CEP63: variants seen among roughly 807,000 people sequenced by gnomAD.
CEP63 encodes the protein centrosomal protein 63.
CEP63 carries 84 observed loss-of-function variants against 89.1 expected under a neutral mutation model. The observed-to-expected ratio is 0.94, with a 90% confidence interval of 0.79 to 1.13. The LOEUF (loss-of-function observed/expected upper bound fraction) is 1.13, where lower values mean the gene tolerates loss of function less well. Among genes scored for constraint, CEP63 ranks in the 50% most tolerant of loss-of-function variants. The pLI is 0.00. For synonymous variants in CEP63, 267 were observed against 272.5 expected, an observed-to-expected ratio of 0.98 and a Z score of 0.20; for missense variants, 838 against 813.3, an observed-to-expected ratio of 1.03 and a Z score of -0.37.
At chr3:134,594,644 T>C in the CEP63 span, among the ~76,000 whole-genome samples, 1 of 152,204 alleles carries the variant, frequency 6.6e-6, no homozygotes, top group Admixed American at 6.5e-5. Flanking sequence ...CTGCTGTGCA[T>C]ATGCTTTCCT....
the CEP63 span, among the ~76,000 whole-genome samples, chr3:134,655,353 C>T: frequency 1.3e-5 from 2 of 152,196 alleles, no homozygotes; most frequent in Non-Finnish European, 2.9e-5. Flanking sequence ...AGAATCCATT[C>T]CTTGAAGAAC....
At chr3:134,612,751 CTGTG>C in the CEP63 span, among the ~76,000 whole-genome samples, 1,456 of 125,450 alleles carry the variant, frequency 0.012, 12 homozygotes, top group Non-Finnish European at 0.014. Context: ...CACGCCGATG[CTGTG>C]TGTGTGTGTG....
At chr3:134,527,226 G>A (rs982590901) in intron 3 of CEP63, among the ~76,000 whole-genome samples, 7 of 152,174 alleles carry the variant, frequency 4.6e-5, no homozygotes, top group African/African-American at 1.7e-4. Flanking sequence ...GGAGGTGAGC[G>A]GGGACCCCTG....
At chr3:134,626,526 G>A in the CEP63 span, among the ~76,000 whole-genome samples, 1 of 152,134 alleles carries the variant, frequency 6.6e-6, no homozygotes, top group Non-Finnish European at 1.5e-5. Context: ...AGGGACATGT[G>A]GCCTCCCTGC....
chr3:134,756,509 A>G, the CEP63 span, among the ~76,000 whole-genome samples: 8 of 152,080 alleles, frequency 5.3e-5, no homozygotes, highest in Non-Finnish European at 1.0e-4. Context: ...GTGTGCCACC[A>G]CACCTGGATA....
chr3:134,729,738 G>A, the CEP63 span, among the ~76,000 whole-genome samples: 1 of 152,200 alleles, frequency 6.6e-6, no homozygotes, highest in Non-Finnish European at 1.5e-5. Flanking sequence ...TACACAGCAG[G>A]TAAATGATAG....
the CEP63 span, among the ~76,000 whole-genome samples, chr3:134,667,563 GA>G: frequency 6.6e-6 from 1 of 152,264 alleles, no homozygotes; most frequent in Non-Finnish European, 1.5e-5. Context: ...TGGCACTGGT[GA>G]AAGTTCACCC....
At position 134,559,429 on chromosome 3, in the gene CEP63, G is replaced by C; in HGVS notation, c.1953G>C (p.Ser651=). Residue 651 remains serine, a splice_region_variant and synonymous_variant, in exon 14 of 15, where the codon TCG becomes TCC. Transcript: ENST00000675561. ...ATGACCAAGAAGAGTTTATATCTTC[G>C]GTATGGAAACTTTCTGATCTTAGTA... ...SMNDQEEFIS[S]CSLPVSPLGS... The C allele has an allele frequency of 6.2e-7, 1 of 1,610,938 alleles. No homozygotes were observed. Among genetic ancestry groups the C allele is most frequent in the Non-Finnish European group, 8.5e-7 (1 of 1,177,556 alleles).
At chr3:134,489,158 C>CAA (rs765548189) in intron 1 of CEP63, among the ~76,000 whole-genome samples, 78 of 60,616 alleles carry the variant, frequency 1.3e-3, no homozygotes, top group Middle Eastern at 0.02. Flanking sequence ...GAGACTGTCT[C>CAA]AAAAAAAAAA....
At chr3:134,553,775 GGTCATGTGTGTTTCT>G (rs1955459210) in intron 12 of CEP63, among the ~76,000 whole-genome samples, 1 of 152,066 alleles carries the variant, frequency 6.6e-6, no homozygotes, top group Non-Finnish European at 1.5e-5. Context: ...TAAATTCCTG[GGTCATGTGTGTTTCT>G]GATTTTGATA....
chr3:134,684,033 A>T, the CEP63 span, among the ~76,000 whole-genome samples: 1 of 152,174 alleles, frequency 6.6e-6, no homozygotes, highest in African/African-American at 2.4e-5. Flanking sequence ...CAATCCCAGG[A>T]GAAGTGGATG....
At chr3:134,503,676 CTG>C (rs1942691791) in intron 2 of CEP63, among the ~76,000 whole-genome samples, 1 of 152,058 alleles carries the variant, frequency 6.6e-6, no homozygotes, top group African/African-American at 2.4e-5. Flanking sequence ...CTTCATATGT[CTG>C]TGTGCTCTGG....
chr3:134,567,848 A>G (rs1957849163), downstream of CEP63, among the ~76,000 whole-genome samples: 1 of 152,250 alleles, frequency 6.6e-6, no homozygotes, highest in Non-Finnish European at 1.5e-5. Context: ...GAGAAGCTGC[A>G]GGAATGCTTG....
chr3:134,722,308 G>A, the CEP63 span, among the ~76,000 whole-genome samples: 32,282 of 146,448 alleles, frequency 0.22, 3,710 homozygotes, highest in African/African-American at 0.29. Context: ...CTCCTATACT[G>A]TATATATACA....
chr3:134,491,279 G>T (rs1253432746), intron 1 of CEP63, among the ~76,000 whole-genome samples: 8 of 152,156 alleles, frequency 5.3e-5, no homozygotes, highest in Admixed American at 5.2e-4. Flanking sequence ...ACAGAAGAAA[G>T]GGTAACTTAC....
intron 1 of CEP63, among the ~76,000 whole-genome samples, chr3:134,493,773 TA>T (rs1453464851): frequency 1.3e-5 from 2 of 152,206 alleles, no homozygotes; most frequent in African/African-American, 4.8e-5. Flanking sequence ...AAAGGGGCCA[TA>T]TCTTTCATCA....
chr3:134,684,682 A>C, the CEP63 span, among the ~76,000 whole-genome samples: 3 of 152,242 alleles, frequency 2.0e-5, no homozygotes, highest in Non-Finnish European at 4.4e-5. Context: ...CATCTGTTGC[A>C]ACTTTGTCCC....
chr3:134,750,678 C>T, the CEP63 span, among the ~76,000 whole-genome samples: 2 of 152,156 alleles, frequency 1.3e-5, no homozygotes, highest in Non-Finnish European at 2.9e-5. Context: ...AAAGGGGCTT[C>T]CTACAAGCCA....
chr3:134,558,432 A>C, intron 13 of CEP63, 85 bp downstream of exon 13: 1 of 961,018 alleles, frequency 1.0e-6, no homozygotes, highest in Non-Finnish European at 1.6e-6. Flanking sequence ...GACTTACAGA[A>C]ATTAAATCTT....
Sources: allele counts gnomAD v4.1 joint callset (sites outside exome capture counted in the v4.1 genomes callset), GRCh38; gene constraint gnomAD v4.1.1; transcripts MANE v1.5; gene names NCBI Gene and HGNC (gene_info 2026-07-23, HGNC 2026-07-21).